Variants in UBR4 observed in about 807,000 individuals in gnomAD.
UBR4 encodes E3 ubiquitin-protein ligase UBR4.
UBR4 carries 124 observed loss-of-function variants against 575.6 expected under a neutral mutation model. The observed-to-expected ratio is 0.22, with a 90% CI of 0.19 to 0.25. UBR4 has a LOEUF of 0.25. UBR4 is among the 10% of genes least tolerant of loss of function. The pLI is 1.00. For missense variants in UBR4, 4,818 were observed against 6,478.8 expected (o/e 0.74, Z 8.80); for synonymous variants, 2,455 against 2,473.7 (o/e 0.99, Z 0.22).
intron 97 of UBR4, 62 bp downstream of exon 97, chr1:19,092,757 G>T: frequency 7.2e-7 from 1 of 1,379,574 alleles, no homozygotes; most frequent in Non-Finnish European, 9.9e-7. Flanking sequence ...ATGTCTCAAG[G>T]TAAACTAGGG....
chr1:19,092,836 G>T lies in UBR4; in HGVS notation c.14194C>A (p.Gln4732Lys). 1 of 1,612,568 alleles carries T rather than the reference G, an allele frequency of 6.2e-7. No individual in the cohort carries two copies. Among genetic ancestry groups the T allele is most frequent in the Non-Finnish European group, 8.5e-7 (1 of 1,179,496 alleles). Residue 4732 changes from glutamine to lysine, a missense_variant, in exon 97 of 106, where the codon CAG becomes AAG. Transcript: ENST00000375254. ...CTACCCACCTGGGTGCCAGGGTGCT[G>T]GATGGCCAGGCCCCGAAGCAGCCTT... is the stretch of plus-strand genomic sequence containing the variant. ...ILRLLRGLAI[Q>K]HPGTQVLIGT...
chr1:19,118,418 CTTTTT>C (rs35059878), intron 71 of UBR4: 11 of 130,216 alleles, frequency 8.4e-5, no homozygotes, highest in South Asian at 4.8e-4. Flanking sequence ...AACTAAAGAC[CTTTTT>C]TTTTTTTTTT....
chr1:19,150,534 G>C, intron 49 of UBR4, 43 bp downstream of exon 49: 4 of 1,594,352 alleles, frequency 2.5e-6, no homozygotes, highest in Non-Finnish European at 3.4e-6. Flanking sequence ...TGCAGTGAGT[G>C]GAATATGTAA....
rs375545765 is a variant in UBR4 at position 19,120,320 on chromosome 1, C to G, written c.10170G>C (p.Gln3390His). 6.2e-7 allele frequency: 1 copy of G among 1,614,184 alleles called. No individual in the cohort carries two copies. The highest frequency in any genetic ancestry group is 2.2e-5 in the East Asian group (1 of 44,884). Reference protein sequence around the residue: ...DGETSGSQEDQLCTALVNQLN... With the variant: ...DGETSGSQEDHLCTALVNQLN... ...GCTGGTTCACCAGAGCTGTGCACAG[C>G]TGGTCCTCCTGGCTGCCAGAGGTCT... is the stretch of plus-strand genomic sequence containing the variant. The change falls in exon 69 of 106, where the codon CAG (glutamine) becomes CAC (histidine). Residue 3390 changes from glutamine (Q) to histidine (H), a missense_variant. This residue lies in a region of UBR4 where 550 missense variants were observed against 791.5 expected (regional missense o/e 0.69). Transcript: ENST00000375254.
intron 39 of UBR4, among the ~76,000 whole-genome samples, chr1:19,159,344 C>G (rs2086925068): frequency 1.3e-5 from 2 of 152,098 alleles, no homozygotes; most frequent in South Asian, 4.1e-4. Context: ...TACCTTATAA[C>G]CCATGTGACA....
At chr1:19,149,304 C>A (rs1035907287) in intron 49 of UBR4, among the ~76,000 whole-genome samples, 3 of 152,104 alleles carry the variant, frequency 2.0e-5, no homozygotes, top group African/African-American at 7.2e-5. Flanking sequence ...ACAGCTGAAG[C>A]TCTGGACAGA....
intron 42 of UBR4, among the ~76,000 whole-genome samples, chr1:19,155,988 AGC>A (rs892993567): frequency 6.6e-6 from 1 of 152,214 alleles, no homozygotes; most frequent in African/African-American, 2.4e-5. Context: ...TCAGCAACAT[AGC>A]AAAAGTGACA....
At chr1:19,113,636 T>C in intron 77 of UBR4, 63 bp downstream of exon 77, 1 of 1,598,608 alleles carries the variant, frequency 6.3e-7, no homozygotes, top group East Asian at 2.2e-5. Context: ...GCAGGACTGC[T>C]GTGAAAACAA....
intron 48 of UBR4, chr1:19,150,998 G>A (rs889503872): frequency 2.7e-5 from 16 of 603,542 alleles, no homozygotes; most frequent in Non-Finnish European, 4.3e-5. Flanking sequence ...ACCAAAAGCC[G>A]ATTACGTCTC....
At position 19,138,056 on chromosome 1, in the gene UBR4, C is replaced by T. The variant is rs1372736757; in HGVS notation, c.8857G>A (p.Glu2953Lys). The change falls in exon 60 of 106, where the codon GAG becomes AAG. Residue 2953 changes from glutamate (E) to lysine (K), a missense_variant. By Grantham distance (56) the Glu-to-Lys change is moderately conservative. Coordinates refer to ENST00000375254, the MANE Select transcript of UBR4 (RefSeq NM_020765.3). ...TTGHQEGDGSEGEGEGETEGD... is the reference protein window; with the variant it reads ...TTGHQEGDGSKGEGEGETEGD... ...TCAGTTTCTCCTTCTCCTTCTCCCT[C>T]GGAGCCATCTCCCTCCTGGTGCCCA... The T allele has an allele frequency of 3.1e-6, 5 of 1,590,480 alleles. No individual in the cohort carries two copies. Among genetic ancestry groups the T allele is most frequent in the Admixed American group, 1.7e-5 (1 of 58,118 alleles).
rs149904730 is a variant in UBR4 at position 19,172,346 on chromosome 1, G to A, written c.3521+518C>T. On this transcript the variant is annotated intron_variant, in intron 25 of 105. Coordinates refer to ENST00000375254, the MANE Select transcript of UBR4 (RefSeq NM_020765.3). The stretch of plus-strand genomic sequence containing the variant: ...AGCCTGGCCAACATGGCGAAACCCC[G>A]TCTCTACTAAAAACACAAAAATTAG... Among the ~76,000 whole-genome samples the A allele has an allele frequency of 1.8e-3, 266 of 151,894 alleles. 1 individual carries two copies. Among genetic ancestry groups the A allele is most frequent in the Non-Finnish European group, 1.0e-3 (69 of 67,938 alleles).
chr1:19,186,132 G>A (rs983698985), intron 14 of UBR4, among the ~76,000 whole-genome samples: 25 of 152,100 alleles, frequency 1.6e-4, no homozygotes, highest in African/African-American at 5.8e-4. Context: ...ACAGGATTAG[G>A]TTTCTCTACT....
chr1:19,148,849 C>T (rs1008793877), intron 49 of UBR4, among the ~76,000 whole-genome samples: 5 of 152,206 alleles, frequency 3.3e-5, no homozygotes, highest in East Asian at 3.9e-4. Flanking sequence ...AGGCCATGTT[C>T]GTAATCCGTA....
At chr1:19,122,773 T>C (rs2081317231) in intron 66 of UBR4, 60 bp downstream of exon 66, 3 of 1,581,550 alleles carry the variant, frequency 1.9e-6, no homozygotes, top group Non-Finnish European at 2.6e-6. Flanking sequence ...CCCTATTACC[T>C]ACTTGGCTAA....
In UBR4 at chr1:19,114,194, A is replaced by G. The variant is rs567035088; in HGVS notation, c.11203-124T>C. 10 of 1,251,778 alleles carry G rather than the reference A, an allele frequency of 8.0e-6. No individual in the cohort carries two copies. The South Asian group carries it at 1.2e-4, about 16-fold the overall frequency. 77.5% of individuals were successfully genotyped at this position (1,251,778 alleles called of 1,614,324 possible). Reference sequence around the variant, plus strand: ...GGTCAGGCACTGTGTTTCATACATTATCTCTGTTCTTCACAATAATCTTTC... The same window carrying G: ...GGTCAGGCACTGTGTTTCATACATTGTCTCTGTTCTTCACAATAATCTTTC... On this transcript the variant is annotated intron_variant, in intron 75 of 105. Coordinates refer to ENST00000375254, the MANE Select transcript of UBR4 (RefSeq NM_020765.3).
intron 61 of UBR4, 103 bp from the exon 62 acceptor site, chr1:19,128,421 T>A: frequency 1.0e-6 from 1 of 968,846 alleles, no homozygotes; most frequent in Non-Finnish European, 1.6e-6. Flanking sequence ...GACATCCCTA[T>A]CAATCATAAC....
intron 102 of UBR4, among the ~76,000 whole-genome samples, chr1:19,082,656 C>T (rs942495233): frequency 6.6e-6 from 1 of 152,148 alleles, no homozygotes; most frequent in African/African-American, 2.4e-5. Context: ...AAAAAGTTAC[C>T]AGGTCTATAG....
At chr1:19,208,239 G>C (rs1018147479) in intron 1 of UBR4, among the ~76,000 whole-genome samples, 11 of 152,082 alleles carry the variant, frequency 7.2e-5, no homozygotes, top group African/African-American at 2.4e-4. Context: ...AGGCCAAGGC[G>C]GGTGGATCAC....
intron 29 of UBR4, among the ~76,000 whole-genome samples, chr1:19,166,269 C>T (rs1184139673): frequency 1.3e-5 from 2 of 152,202 alleles, no homozygotes; most frequent in Non-Finnish European, 2.9e-5. Flanking sequence ...CATCTACAGC[C>T]ATGTGGCCTA....
Sources: allele counts gnomAD v4.1 joint callset (sites outside exome capture counted in the v4.1 genomes callset), GRCh38; gene constraint gnomAD v4.1.1; regional missense constraint gnomAD v4.1.1; transcripts MANE v1.5; gene names NCBI Gene and HGNC (gene_info 2026-07-23, HGNC 2026-07-21).